Variants in FBN2 observed in about 807,000 individuals in gnomAD.
FBN2 encodes fibrillin 2.
In FBN2, 105 loss-of-function variants were observed where a neutral mutation model predicts 355.6. That is an observed-to-expected ratio of 0.30 (90% CI 0.25 to 0.35). The LOEUF is 0.35. Ranked by LOEUF, FBN2 falls within the 10% of genes least tolerant of loss-of-function variation. FBN2 has a pLI of 1.00. For synonymous variants in FBN2, 1,350 were observed against 1,301.2 expected (o/e 1.04, Z -0.81); for missense variants, 3,280 against 3,758.7 (o/e 0.87, Z 3.33).
intron 8 of FBN2, among the ~76,000 whole-genome samples, chr5:128,401,454 A>AT: frequency 6.6e-6 from 1 of 152,298 alleles, no homozygotes; most frequent in Non-Finnish European, 1.5e-5. Flanking sequence ...TCTGAAGTAC[A>AT]TTTTTTATGT....
intron 8 of FBN2, among the ~76,000 whole-genome samples, chr5:128,405,841 T>C (rs1218986714): frequency 1.3e-5 from 2 of 152,180 alleles, no homozygotes; most frequent in Non-Finnish European, 2.9e-5. Flanking sequence ...TTTCCAGAAC[T>C]TCACAATAAT....
intron 5 of FBN2, among the ~76,000 whole-genome samples, chr5:128,479,937 T>TCC: frequency 2.8e-5 from 1 of 36,094 alleles, no homozygotes; most frequent in East Asian, 1.3e-3. Context: ...CTTGTCTCTC[T>TCC]CTCTCTCTCT....
chr5:128,372,893 T>C (rs1489810841), intron 15 of FBN2, among the ~76,000 whole-genome samples: 2 of 152,110 alleles, frequency 1.3e-5, no homozygotes, highest in East Asian at 3.9e-4. Context: ...TCCCAAAGTG[T>C]TGGGATTACA....
At chr5:128,529,548 C>T (rs1756651942) in intron 3 of FBN2, among the ~76,000 whole-genome samples, 1 of 152,116 alleles carries the variant, frequency 6.6e-6, no homozygotes, top group East Asian at 1.9e-4. Context: ...AAATTATATA[C>T]CACAAGCAAA....
chr5:128,524,369 C>T (rs770512528), intron 4 of FBN2, among the ~76,000 whole-genome samples: 11 of 152,130 alleles, frequency 7.2e-5, no homozygotes, highest in Non-Finnish European at 1.0e-4. Flanking sequence ...CCTAAAACTT[C>T]TCGCTACCTA....
chr5:128,452,038 C>T (rs1754263374), intron 6 of FBN2, among the ~76,000 whole-genome samples: 1 of 151,996 alleles, frequency 6.6e-6, no homozygotes, highest in Non-Finnish European at 1.5e-5. Context: ...TTAGTTAGAT[C>T]AAGTTAGCAG....
In FBN2 at chr5:128,278,880, T is replaced by C. The variant is rs373037066; in HGVS notation, c.7139-39A>G. 1.5e-4 allele frequency: 222 copies of C among 1,510,920 alleles called. 1 individual carries two copies. The highest frequency in any genetic ancestry group is 1.1e-3 in the Middle Eastern group (6 of 5,570). The allele number at this position is 1,510,920 out of a possible 1,614,324, so 93.6% of individuals were successfully genotyped here. A position where few individuals can be genotyped will look rare whatever the true frequency, so the allele number is the denominator to read the frequency against. On this transcript the variant is annotated intron_variant, in intron 56 of 64. Transcript: ENST00000262464. ...GTAGAAAGAGTTAAGGATGCGGAACTGACATTTCATTATCCTGGCTTTCAA... is the reference window on the plus strand; with the variant it reads ...GTAGAAAGAGTTAAGGATGCGGAACCGACATTTCATTATCCTGGCTTTCAA...
chr5:128,388,035 G>A (rs1752413035), intron 11 of FBN2, among the ~76,000 whole-genome samples: 1 of 152,182 alleles, frequency 6.6e-6, no homozygotes, highest in South Asian at 2.1e-4. Flanking sequence ...CCAGTGTTGG[G>A]TGCATGTATG....
intron 61 of FBN2, among the ~76,000 whole-genome samples, chr5:128,272,852 G>A (rs1248678334): frequency 1.3e-5 from 2 of 152,050 alleles, no homozygotes; most frequent in African/African-American, 2.4e-5. Context: ...GGATGGTCAC[G>A]AGCTGAACTC....
chr5:128,294,555 T>C lies in FBN2; in HGVS notation c.6167-2901A>G, dbSNP rs866716336. Among the ~76,000 whole-genome samples, 12 of 149,950 alleles carry C rather than the reference T, an allele frequency of 8.0e-5. No homozygotes were observed. The South Asian group carries it at 1.9e-3, about 24-fold the overall frequency. On this transcript the variant is annotated intron_variant, in intron 48 of 64. Transcript: ENST00000262464. The stretch of plus-strand genomic sequence containing the variant: ...CTAACTGGTGTGAGATGGTATCTCA[T>C]TGTGGTTTTGATTTGCATTTCTCTG...
At chr5:128,460,628 C>T (rs1277821798) in intron 6 of FBN2, among the ~76,000 whole-genome samples, 1 of 152,120 alleles carries the variant, frequency 6.6e-6, no homozygotes, top group East Asian at 1.9e-4. Flanking sequence ...CTACGGTAAC[C>T]AAAACAGCAT....
chr5:128,356,576 G>T (rs1266163786), intron 20 of FBN2, among the ~76,000 whole-genome samples: 1 of 152,236 alleles, frequency 6.6e-6, no homozygotes, highest in Non-Finnish European at 1.5e-5. Context: ...AACCACAGAG[G>T]CTAGAAGTAG....
chr5:128,279,371 T>A (rs1360147115), intron 56 of FBN2, among the ~76,000 whole-genome samples: 1 of 152,120 alleles, frequency 6.6e-6, no homozygotes, highest in Non-Finnish European at 1.5e-5. Flanking sequence ...TACAGTTTTA[T>A]AAACAATCCT....
At chr5:128,299,715 C>G (rs1328479217) in intron 48 of FBN2, among the ~76,000 whole-genome samples, 2 of 152,140 alleles carry the variant, frequency 1.3e-5, no homozygotes, top group Admixed American at 1.3e-4. Context: ...GACCTGCGCC[C>G]ACTGTCTGGC....
At chr5:128,339,511 G>T (rs957564751) in intron 25 of FBN2, among the ~76,000 whole-genome samples, 7 of 152,098 alleles carry the variant, frequency 4.6e-5, no homozygotes, top group African/African-American at 7.2e-5. Context: ...AGAGGTCAAG[G>T]CTGCACGGAG....
At chr5:128,536,310 C>T in intron 2 of FBN2, 92 bp downstream of exon 2, 2 of 955,152 alleles carry the variant, frequency 2.1e-6, no homozygotes, top group South Asian at 2.7e-5. Context: ...ATTTTAAACG[C>T]AACTATGCGT....
At position 128,293,390 on chromosome 5, in the gene FBN2, G is replaced by A. The variant is rs562255108; in HGVS notation, c.6167-1736C>T. 4.8e-4 allele frequency among the ~76,000 whole-genome samples: 73 copies of A among 152,196 alleles called. No individual in the cohort carries two copies. The Middle Eastern group carries it at 0.02, about 43-fold the overall frequency. ...ACCTGTAATACCAGCTACTTGGGAG[G>A]CTGAGGCAGGAGAATCACTTGAACC... On this transcript the variant is annotated intron_variant, in intron 48 of 64. Transcript: ENST00000262464.
rs891120014 is a variant in FBN2, at chr5:128,378,001, C to G, written c.1724-124G>C. On this transcript the variant is annotated intron_variant, in intron 12 of 64. Transcript: ENST00000262464. ...TACTTCTTTAGCAAAATTTCTGTCT[C>G]TCAGCAGTTTTTTTTTTTTTTTTTG... 8.1e-6 allele frequency: 7 copies of G among 864,718 alleles called. No individual in the cohort carries two copies. In the African/African-American group the frequency reaches 1.3e-4, roughly 15 times the overall value. The allele number at this position is 864,718 out of a possible 1,614,324, so 53.6% of individuals were successfully genotyped here.
intron 5 of FBN2, among the ~76,000 whole-genome samples, chr5:128,498,782 T>C (rs1755726140): frequency 6.6e-6 from 1 of 152,204 alleles, no homozygotes; most frequent in African/African-American, 2.4e-5. Flanking sequence ...TTCCTTTATA[T>C]ATTTCACTAT....
Sources: allele counts gnomAD v4.1 joint callset (sites outside exome capture counted in the v4.1 genomes callset), GRCh38; gene constraint gnomAD v4.1.1; transcripts MANE v1.5; gene names NCBI Gene and HGNC (gene_info 2026-07-23, HGNC 2026-07-21).